FGGY: variants seen among roughly 807,000 people sequenced by gnomAD.
FGGY encodes FGGY carbohydrate kinase domain containing.
Under a neutral mutation model 71.3 loss-of-function variants are expected in FGGY, and 72 were observed. That is an observed-to-expected ratio of 1.01 (90% confidence interval 0.84 to 1.23). FGGY has a LOEUF of 1.23. Ranked by LOEUF, FGGY falls within the 50% of genes most tolerant of loss-of-function variation. The pLI, the probability that FGGY is intolerant of heterozygous loss-of-function variation, is 0.00. For synonymous variants in FGGY, 251 were observed against 250.3 expected (o/e 1.00, Z -0.02); for missense variants, 668 against 682.3 (o/e 0.98, Z 0.23).
At chr1:59,450,515 C>A (rs539966876) in intron 5 of FGGY, among the ~76,000 whole-genome samples, 32 of 152,196 alleles carry the variant, frequency 2.1e-4, no homozygotes, top group Middle Eastern at 6.8e-3. Flanking sequence ...CCTTCTCCCT[C>A]CTCCTATATG....
Position 59,762,640 on chromosome 1 carries a change from G to A in FGGY, c.*56G>A. 3 of 811,142 alleles carry A rather than the reference G, an allele frequency of 3.7e-6. No homozygotes were observed. The highest frequency in any genetic ancestry group is 5.7e-6 in the Non-Finnish European group (3 of 528,644). 50.2% of individuals were successfully genotyped at this position (811,142 alleles called of 1,614,324 possible). A position where few individuals can be genotyped will look rare whatever the true frequency, so the allele number is the denominator to read the frequency against. On this transcript the variant is annotated 3_prime_UTR_variant, in exon 16 of 16. Coordinates refer to ENST00000303721, the MANE Select transcript of FGGY (RefSeq NM_018291.5). ...TTCTGTGCCATTGCATTAAAGACTT[G>A]TCATTTGATCCATGTTCAAGACCCT...
At chr1:59,718,044 T>C (rs2097857806) in intron 14 of FGGY, among the ~76,000 whole-genome samples, 2 of 152,152 alleles carry the variant, frequency 1.3e-5, no homozygotes, top group African/African-American at 4.8e-5. Flanking sequence ...GTTTGGCCCC[T>C]GAGTCCATGC....
intron 14 of FGGY, among the ~76,000 whole-genome samples, chr1:59,738,725 C>T (rs2098124526): frequency 6.6e-6 from 1 of 152,234 alleles, no homozygotes; most frequent in Admixed American, 6.5e-5. Context: ...TTGCTGGGCA[C>T]TCACATCTGT....
intron 5 of FGGY, among the ~76,000 whole-genome samples, chr1:59,402,108 T>G (rs988759119): frequency 6.6e-5 from 10 of 152,118 alleles, no homozygotes; most frequent in African/African-American, 2.4e-4. Context: ...AGCTAATGAG[T>G]TGGATATGTA....
intron 12 of FGGY, among the ~76,000 whole-genome samples, chr1:59,665,737 G>T (rs2097317558): frequency 6.7e-6 from 1 of 148,958 alleles, no homozygotes; most frequent in African/African-American, 2.5e-5. Context: ...GCAATGGTGT[G>T]ATCTCGGCTC....
intron 8 of FGGY, among the ~76,000 whole-genome samples, chr1:59,598,950 G>A (rs1294016888): frequency 6.6e-6 from 1 of 152,204 alleles, no homozygotes; most frequent in Non-Finnish European, 1.5e-5. Context: ...CATATGCAGA[G>A]TATGTTATGA....
intron 2 of FGGY, among the ~76,000 whole-genome samples, chr1:59,327,608 A>G (rs1199609831): frequency 6.6e-6 from 1 of 152,234 alleles, no homozygotes; most frequent in African/African-American, 2.4e-5. Flanking sequence ...TGAATCATGA[A>G]TGTTCTTAAT....
At chr1:59,498,638 AC>A (rs1328820310) in intron 6 of FGGY, among the ~76,000 whole-genome samples, 3 of 152,106 alleles carry the variant, frequency 2.0e-5, no homozygotes, top group Non-Finnish European at 2.9e-5. Flanking sequence ...GAGAATGCAC[AC>A]TTCTAACAAG....
At chr1:59,578,343 G>A (rs1221013187) in intron 8 of FGGY, among the ~76,000 whole-genome samples, 1 of 152,024 alleles carries the variant, frequency 6.6e-6, no homozygotes, top group Non-Finnish European at 1.5e-5. Flanking sequence ...CACACCCTGA[G>A]GACATAATGA....
intron 6 of FGGY, among the ~76,000 whole-genome samples, chr1:59,488,945 G>A (rs541522659): frequency 1.3e-5 from 2 of 152,130 alleles, no homozygotes; most frequent in African/African-American, 4.8e-5. Flanking sequence ...ATGGAAAATA[G>A]CATGTCCTTT....
chr1:59,427,589 C>T (rs1268965158), intron 5 of FGGY, among the ~76,000 whole-genome samples: 1 of 152,188 alleles, frequency 6.6e-6, no homozygotes, highest in East Asian at 1.9e-4. Context: ...TCTCTGTCTT[C>T]AATCAAAGCA....
chr1:59,561,744 G>A (rs904078612), intron 8 of FGGY, among the ~76,000 whole-genome samples: 1 of 152,118 alleles, frequency 6.6e-6, no homozygotes, highest in Non-Finnish European at 1.5e-5. Flanking sequence ...TGGTTAAGTG[G>A]GTCACACAAT....
At chr1:59,593,773 A>G (rs1333672668) in intron 8 of FGGY, among the ~76,000 whole-genome samples, 1 of 152,214 alleles carries the variant, frequency 6.6e-6, no homozygotes, top group Non-Finnish European at 1.5e-5. Flanking sequence ...GGACAAGCAC[A>G]GTATCTTTTT....
At chr1:59,692,849 C>T (rs762423625) in intron 14 of FGGY, among the ~76,000 whole-genome samples, 3 of 152,152 alleles carry the variant, frequency 2.0e-5, no homozygotes, top group East Asian at 1.9e-4. Flanking sequence ...TCCTCTCCCG[C>T]GGCTAGACTA....
chr1:59,504,924 T>C (rs2094338200), intron 6 of FGGY, among the ~76,000 whole-genome samples: 1 of 152,240 alleles, frequency 6.6e-6, no homozygotes, highest in Non-Finnish European at 1.5e-5. Context: ...GAACTTATGT[T>C]CTAGACACTG....
intron 15 of FGGY, among the ~76,000 whole-genome samples, chr1:59,759,714 C>A (rs184485756): frequency 6.6e-6 from 1 of 152,138 alleles, no homozygotes; most frequent in Non-Finnish European, 1.5e-5. Flanking sequence ...ATCTCATTGC[C>A]TAATAGATCA....
intron 9 of FGGY, among the ~76,000 whole-genome samples, chr1:59,624,032 C>A (rs748685729): frequency 1.4e-4 from 21 of 152,202 alleles, no homozygotes; most frequent in Non-Finnish European, 2.8e-4. Context: ...CAGTGGATTG[C>A]AAACTCAGGG....
chr1:59,484,898 T>C (rs1370752362), intron 6 of FGGY, among the ~76,000 whole-genome samples: 2 of 152,200 alleles, frequency 1.3e-5, no homozygotes, highest in Non-Finnish European at 2.9e-5. Flanking sequence ...AAGAGTGGTT[T>C]TATTATTTTT....
chr1:59,397,313 C>A (rs189535004), intron 5 of FGGY, among the ~76,000 whole-genome samples: 1 of 152,222 alleles, frequency 6.6e-6, no homozygotes, highest in East Asian at 1.9e-4. Context: ...AGGGACGTGG[C>A]GTTGTGTTTC....
Sources: allele counts gnomAD v4.1 joint callset (sites outside exome capture counted in the v4.1 genomes callset), GRCh38; gene constraint gnomAD v4.1.1; transcripts MANE v1.5; gene names NCBI Gene and HGNC (gene_info 2026-07-23, HGNC 2026-07-21).